Variants in GRIN2B observed in about 807,000 individuals in gnomAD.
The protein encoded by GRIN2B is glutamate receptor ionotropic, NMDA 2B.
In GRIN2B, 5 loss-of-function variants were observed where a neutral mutation model predicts 114.5. The observed-to-expected ratio is 0.04, with a 90% CI of 0.02 to 0.09. The LOEUF (loss-of-function observed/expected upper bound fraction) is 0.09. GRIN2B is among the 10% of genes least tolerant of loss of function. The probability of loss-of-function intolerance (pLI) is 1.00; values close to 1 mark genes in which losing one functional copy is unlikely to be tolerated. For missense variants in GRIN2B, 1,108 were observed against 1,943.5 expected, an observed-to-expected ratio of 0.57 and a Z score of 8.08; for synonymous variants, 787 against 745.1, an observed-to-expected ratio of 1.06 and a Z score of -0.92.
intron 3 of GRIN2B, among the ~76,000 whole-genome samples, chr12:13,836,696 C>A (rs553778354): frequency 6.6e-6 from 1 of 152,130 alleles, no homozygotes; most frequent in East Asian, 1.9e-4. Context: ...GGCCTGTTTG[C>A]CTGCTCTGCC....
chr12:13,837,089 C>T (rs1865283390), intron 3 of GRIN2B, among the ~76,000 whole-genome samples: 2 of 152,184 alleles, frequency 1.3e-5, no homozygotes, highest in African/African-American at 2.4e-5. Context: ...CTGCTGTGCT[C>T]TCTCTGAAAC....
intron 2 of GRIN2B, among the ~76,000 whole-genome samples, chr12:13,932,952 C>CAT (rs1283670650): frequency 6.7e-6 from 1 of 148,698 alleles, no homozygotes; most frequent in Non-Finnish European, 1.5e-5. Flanking sequence ...AGGGCTTTGT[C>CAT]GTGTGTGTGT....
At chr12:13,886,274 TG>T (rs1158776791) in intron 2 of GRIN2B, among the ~76,000 whole-genome samples, 17 of 152,188 alleles carry the variant, frequency 1.1e-4, no homozygotes, top group African/African-American at 4.1e-4. Context: ...TTAAAAGCCA[TG>T]GTTCATATAG....
intron 3 of GRIN2B, among the ~76,000 whole-genome samples, chr12:13,774,987 T>C (rs1005687677): frequency 3.3e-5 from 5 of 152,038 alleles, no homozygotes; most frequent in Admixed American, 3.3e-4. Flanking sequence ...AAAATGATGA[T>C]GATGATGATG....
chr12:13,920,715 C>T (rs1011866187), intron 2 of GRIN2B, among the ~76,000 whole-genome samples: 2 of 152,190 alleles, frequency 1.3e-5, no homozygotes, highest in Non-Finnish European at 2.9e-5. Flanking sequence ...GGCAAAGGTA[C>T]AGTTTTGCCG....
At chr12:13,594,269 T>G (rs934367317) in intron 10 of GRIN2B, among the ~76,000 whole-genome samples, 7 of 152,168 alleles carry the variant, frequency 4.6e-5, no homozygotes, top group African/African-American at 1.7e-4. Flanking sequence ...GACTTGGAAC[T>G]GACCCAAATG....
At chr12:13,576,459 A>G (rs554173136) in intron 10 of GRIN2B, among the ~76,000 whole-genome samples, 4 of 152,318 alleles carry the variant, frequency 2.6e-5, no homozygotes, top group Admixed American at 2.0e-4. Context: ...AAAGCCTAAT[A>G]TATCAGGGAG....
chr12:13,708,893 A>G (rs532828096), intron 4 of GRIN2B, among the ~76,000 whole-genome samples: 12 of 152,192 alleles, frequency 7.9e-5, no homozygotes, highest in African/African-American at 2.9e-4. Flanking sequence ...AGTACCTGGG[A>G]TACATAGAAC....
At chr12:13,679,294 T>G (rs554108170) in intron 4 of GRIN2B, among the ~76,000 whole-genome samples, 4 of 152,184 alleles carry the variant, frequency 2.6e-5, no homozygotes, top group Admixed American at 6.5e-5. Context: ...AATAACTATA[T>G]AGCCTCTCAA....
chr12:13,620,266 G>GA (rs1949497977), intron 5 of GRIN2B, among the ~76,000 whole-genome samples: 1 of 152,186 alleles, frequency 6.6e-6, no homozygotes, highest in East Asian at 1.9e-4. Context: ...AAGGTCTGAG[G>GA]CATGGGGAGC....
chr12:13,591,429 T>C (rs1193540489), intron 10 of GRIN2B, among the ~76,000 whole-genome samples: 1 of 152,176 alleles, frequency 6.6e-6, no homozygotes, highest in Non-Finnish European at 1.5e-5. Context: ...TTACAAAGAG[T>C]AACTCTTTCA....
intron 4 of GRIN2B, among the ~76,000 whole-genome samples, chr12:13,723,107 G>A (rs1215152346): frequency 6.6e-6 from 1 of 151,488 alleles, no homozygotes; most frequent in Non-Finnish European, 1.5e-5. Context: ...AGACTGAAAG[G>A]GAGCCTCTGA....
At chr12:13,569,703 C>T in intron 12 of GRIN2B, 127 bp downstream of exon 12, 1 of 667,216 alleles carries the variant, frequency 1.5e-6, no homozygotes, top group Non-Finnish European at 2.6e-6. Context: ...CCGAAAACTA[C>T]ACAATATACT....
chr12:13,845,570 G>A (rs994403321), intron 3 of GRIN2B, among the ~76,000 whole-genome samples: 1 of 152,160 alleles, frequency 6.6e-6, no homozygotes, highest in African/African-American at 2.4e-5. Context: ...CCAGCTCCAG[G>A]AGAGAATTGA....
chr12:13,620,294 C>T (rs1312042429), intron 5 of GRIN2B, among the ~76,000 whole-genome samples: 1 of 152,194 alleles, frequency 6.6e-6, no homozygotes, highest in Non-Finnish European at 1.5e-5. Context: ...TAGCACAGTT[C>T]TCTTCCTTAC....
chr12:13,816,215 T>C (rs1176538909), intron 3 of GRIN2B, among the ~76,000 whole-genome samples: 5 of 152,084 alleles, frequency 3.3e-5, no homozygotes, highest in Admixed American at 3.3e-4. Flanking sequence ...CACCTCTAGT[T>C]CAACAGATTA....
At chr12:13,876,749 C>T (rs946423212) in intron 2 of GRIN2B, among the ~76,000 whole-genome samples, 1 of 152,232 alleles carries the variant, frequency 6.6e-6, no homozygotes, top group Non-Finnish European at 1.5e-5. Flanking sequence ...AGAAGTCACA[C>T]TCACTGCTTT....
intron 4 of GRIN2B, among the ~76,000 whole-genome samples, chr12:13,676,943 T>G (rs998322613): frequency 2.6e-5 from 4 of 152,158 alleles, no homozygotes; most frequent in African/African-American, 7.2e-5. Context: ...TGGAGGTAAC[T>G]AGAGTCAGAC....
chr12:13,945,573 C>T lies in GRIN2B; in HGVS notation c.-19+34355G>A, dbSNP rs1056837217. On this transcript the variant is annotated intron_variant, in intron 2 of 13. Coordinates refer to ENST00000609686, the MANE Select transcript of GRIN2B (RefSeq NM_000834.5). The stretch of plus-strand genomic sequence containing the variant: ...TTTCTATAGACCACTTCCACTGTTT[C>T]CTCTCCAGAGCTAGCCTTTTCATAG... Among the ~76,000 whole-genome samples the T allele has an allele frequency of 4.6e-5, 7 of 152,284 alleles. No individual in the cohort carries two copies. The East Asian group carries it at 1.4e-3, about 29-fold the overall frequency.
Sources: allele counts gnomAD v4.1 joint callset (sites outside exome capture counted in the v4.1 genomes callset), GRCh38; gene constraint gnomAD v4.1.1; transcripts MANE v1.5; gene names NCBI Gene and HGNC (gene_info 2026-07-23, HGNC 2026-07-21).